TC2N: variants seen among roughly 807,000 people sequenced by gnomAD.
TC2N encodes tandem C2 domains, nuclear.
In TC2N, 51 loss-of-function variants were observed where a neutral mutation model predicts 61.9. That is an observed-to-expected ratio of 0.82 (90% CI 0.66 to 1.04). TC2N has a LOEUF of 1.04. Ranked by LOEUF, TC2N falls within the 50% of genes least tolerant of loss-of-function variation. TC2N has a pLI of 0.00. For missense variants in TC2N, 556 were observed against 566.7 expected, an observed-to-expected ratio of 0.98 and a Z score of 0.19; for synonymous variants, 204 against 192.6, an observed-to-expected ratio of 1.06 and a Z score of -0.49.
intron 1 of TC2N, among the ~76,000 whole-genome samples, chr14:91,826,441 T>C (rs1379456085): frequency 3.3e-5 from 5 of 151,978 alleles, no homozygotes; most frequent in Admixed American, 2.6e-4. Flanking sequence ...TGTGGATATA[T>C]CTATTTCTCC....
chr14:91,801,063 CATAT>C (rs200036918), intron 4 of TC2N, among the ~76,000 whole-genome samples: 1 of 146,260 alleles, frequency 6.8e-6, no homozygotes, highest in Non-Finnish European at 1.5e-5. Context: ...TATACACATA[CATAT>C]ATATGTGTGT....
chr14:91,864,323 T>G (rs902535282), intron 1 of TC2N, among the ~76,000 whole-genome samples: 1 of 152,300 alleles, frequency 6.6e-6, no homozygotes, highest in African/African-American at 2.4e-5. Flanking sequence ...TCCATGCTTG[T>G]AGGGGAGTAG....
chr14:91,807,879 T>G (rs1886587336), intron 3 of TC2N, among the ~76,000 whole-genome samples: 1 of 152,070 alleles, frequency 6.6e-6, no homozygotes, highest in African/African-American at 2.4e-5. Flanking sequence ...GAATTGTAGC[T>G]CCCCTAATTC....
chr14:91,789,736 T>C (rs974143670), intron 9 of TC2N, among the ~76,000 whole-genome samples: 16 of 152,184 alleles, frequency 1.1e-4, no homozygotes, highest in Admixed American at 9.2e-4. Context: ...CATGAAAAAC[T>C]ATTCAAAGAT....
At chr14:91,796,424 T>G (rs961531674) in intron 8 of TC2N, among the ~76,000 whole-genome samples, 22 of 152,016 alleles carry the variant, frequency 1.4e-4, no homozygotes, top group Non-Finnish European at 2.5e-4. Context: ...TCACATGGTG[T>G]TATGGGATGA....
At chr14:91,829,053 A>T (rs912594504) in intron 1 of TC2N, among the ~76,000 whole-genome samples, 1 of 117,554 alleles carries the variant, frequency 8.5e-6, no homozygotes, top group African/African-American at 3.1e-5. Flanking sequence ...TGTTCTTTTA[A>T]AAAAAAAAAA....
At chr14:91,848,469 TA>T (rs780375261) in intron 1 of TC2N, among the ~76,000 whole-genome samples, 7 of 152,230 alleles carry the variant, frequency 4.6e-5, no homozygotes, top group Non-Finnish European at 8.8e-5. Context: ...TTACCTGTCT[TA>T]CCTTCATCAG....
At chr14:91,797,179 G>A (rs1030686426) in intron 8 of TC2N, among the ~76,000 whole-genome samples, 5 of 151,872 alleles carry the variant, frequency 3.3e-5, no homozygotes, top group African/African-American at 7.3e-5. Context: ...AGCAATACAC[G>A]CAATTTAAAT....
intron 1 of TC2N, among the ~76,000 whole-genome samples, chr14:91,858,883 A>G (rs1595280293): frequency 6.6e-6 from 1 of 152,136 alleles, no homozygotes; most frequent in Non-Finnish European, 1.5e-5. Flanking sequence ...ATCCCATTCC[A>G]TATCCCTTCT....
In TC2N at chr14:91,781,557, A is replaced by G. The variant is rs1399523020; in HGVS notation, c.*1543T>C. ...GTTAACCTACAACTGCTCTAAAAAA[A>G]AAAGTCTATTTTTAAAAACAATTTT... On this transcript the variant is annotated 3_prime_UTR_variant, in exon 12 of 12. Coordinates refer to ENST00000435962, the MANE Select transcript of TC2N (RefSeq NM_001128596.3). The G allele has an allele frequency of 6.6e-6, 1 of 152,158 alleles. No homozygotes were observed. The highest frequency in any genetic ancestry group is 6.5e-5 in the Admixed American group (1 of 15,274). The allele number at this position is 152,158 out of a possible 1,614,324, so 9.4% of individuals were successfully genotyped here. A position where few individuals can be genotyped will look rare whatever the true frequency, so the allele number is the denominator to read the frequency against.
chr14:91,798,291 T>C lies in TC2N; in HGVS notation c.738+8A>G, dbSNP rs758387959. On this transcript the variant is annotated splice_region_variant and intron_variant, in intron 7 of 11. Transcript: ENST00000435962. The stretch of plus-strand genomic sequence containing the variant: ...TAATAAAAGCTGGTATTAACTATAC[T>C]AATTTACCTGTAAAACTGTGATCCA... 1 of 1,401,612 alleles carries C rather than the reference T, an allele frequency of 7.1e-7. No individual in the cohort carries two copies. Among genetic ancestry groups the C allele is most frequent in the South Asian group, 1.2e-5 (1 of 80,114 alleles). 86.8% of individuals were successfully genotyped at this position (1,401,612 alleles called of 1,614,324 possible).
At chr14:91,792,685 A>G (rs1027795833) in intron 8 of TC2N, 127 bp from the exon 9 acceptor site, 7 of 479,700 alleles carry the variant, frequency 1.5e-5, no homozygotes, top group African/African-American at 1.4e-4. Flanking sequence ...CATCTTTTTA[A>G]TGTGAATGAA....
At chr14:91,797,958 T>C in intron 7 of TC2N, 57 bp from the exon 8 acceptor site, 1 of 1,134,578 alleles carries the variant, frequency 8.8e-7, no homozygotes, top group Non-Finnish European at 1.3e-6. Flanking sequence ...ATACAAACAT[T>C]TGATGTATTT....
chr14:91,800,070 T>A (rs1387220039), intron 5 of TC2N, among the ~76,000 whole-genome samples: 1 of 152,070 alleles, frequency 6.6e-6, no homozygotes, highest in Non-Finnish European at 1.5e-5. Flanking sequence ...TAAAATTTAT[T>A]GAAAAAAGAA....
intron 1 of TC2N, among the ~76,000 whole-genome samples, chr14:91,853,520 T>A (rs568315112): frequency 3.6e-4 from 55 of 152,296 alleles, no homozygotes; most frequent in African/African-American, 1.2e-3. Flanking sequence ...AGATAGTTGA[T>A]GTCAGAATTA....
At chr14:91,863,567 ATT>A (rs1282868951) in intron 1 of TC2N, among the ~76,000 whole-genome samples, 3 of 152,150 alleles carry the variant, frequency 2.0e-5, no homozygotes, top group Non-Finnish European at 4.4e-5. Context: ...AGATTCAAAG[ATT>A]TTTTGATTTG....
intron 9 of TC2N, among the ~76,000 whole-genome samples, chr14:91,791,176 AGGAGGGGAGG>A (rs148456708): frequency 6.0e-5 from 4 of 66,810 alleles, no homozygotes; most frequent in African/African-American, 2.0e-4. Flanking sequence ...GGGAAGGGAA[AGGAGGGGAGG>A]GGAGGGGAGG....
In TC2N at chr14:91,791,237, G is replaced by GAAGGGAAGGA. The variant is rs1318464644; in HGVS notation, c.1047+1129_1047+1130insTCCTTCCCTT. 2.7e-5 allele frequency among the ~76,000 whole-genome samples: 4 copies of GAAGGGAAGGA among 149,720 alleles called. No individual in the cohort carries two copies. In the South Asian group the frequency reaches 6.4e-4, roughly 24 times the overall value. On this transcript the variant is annotated intron_variant, in intron 9 of 11. Coordinates refer to ENST00000435962, the MANE Select transcript of TC2N (RefSeq NM_001128596.3). ...GGAGGGGAGGGAAGGGAAGGGAAGG[G>GAAGGGAAGGA]TAGATACATGTTTCTGCCCCATATC...
At chr14:91,814,232 G>A (rs997654950) in intron 1 of TC2N, among the ~76,000 whole-genome samples, 1 of 150,658 alleles carries the variant, frequency 6.6e-6, no homozygotes, top group Non-Finnish European at 1.5e-5. Flanking sequence ...AAGAAAAAAA[G>A]AGAGAAAGAA....
Sources: gnomAD v4.1 joint callset for allele counts (sites outside exome capture counted in the v4.1 genomes callset) on GRCh38, gnomAD v4.1.1 for gene constraint, MANE v1.5 for transcripts, NCBI Gene and HGNC (gene_info 2026-07-23, HGNC 2026-07-21) for gene names.